CYP39A1: variants seen among roughly 807,000 people sequenced by gnomAD.
CYP39A1 encodes cytochrome P450 family 39 subfamily A member 1, also known as 24-hydroxycholesterol 7-alpha-hydroxylase.
CYP39A1 carries 49 observed loss-of-function variants against 58.1 expected under a neutral mutation model. The observed-to-expected ratio is 0.84, with a 90% CI of 0.67 to 1.07. CYP39A1 has a LOEUF of 1.07. Among genes scored for constraint, CYP39A1 ranks in the 50% least tolerant of loss-of-function variants. CYP39A1 has a pLI of 0.00. For missense variants in CYP39A1, 531 were observed against 539.4 expected, an observed-to-expected ratio of 0.98 and a Z score of 0.16; for synonymous variants, 209 against 187.6, an observed-to-expected ratio of 1.11 and a Z score of -0.93.
chr6:46,614,356 A>G (rs1176022600), intron 7 of CYP39A1, among the ~76,000 whole-genome samples: 1 of 152,184 alleles, frequency 6.6e-6, no homozygotes, highest in Non-Finnish European at 1.5e-5. Context: ...GAGGACATAC[A>G]AAGAGGAGAG....
chr6:46,571,761 G>T (rs1368342992), intron 10 of CYP39A1, among the ~76,000 whole-genome samples: 1 of 151,348 alleles, frequency 6.6e-6, no homozygotes, highest in Non-Finnish European at 1.5e-5. Context: ...ACTCACTATT[G>T]CCATTTTGTA....
intron 6 of CYP39A1, among the ~76,000 whole-genome samples, chr6:46,626,892 T>A (rs1476488096): frequency 6.6e-6 from 1 of 152,100 alleles, no homozygotes; most frequent in East Asian, 1.9e-4. Context: ...GGGAAAAAAA[T>A]AGTGATAAGA....
At chr6:46,580,640 CT>C (rs1296759501) in intron 10 of CYP39A1, among the ~76,000 whole-genome samples, 3 of 151,960 alleles carry the variant, frequency 2.0e-5, no homozygotes, top group Non-Finnish European at 2.9e-5. Flanking sequence ...CTGTAAGGAA[CT>C]TAAATCAGCA....
chr6:46,618,569 C>T (rs546302832), intron 7 of CYP39A1, among the ~76,000 whole-genome samples: 7 of 152,044 alleles, frequency 4.6e-5, no homozygotes, highest in Non-Finnish European at 7.4e-5. Flanking sequence ...AAATGCTTTA[C>T]AGAGATCAAA....
intron 7 of CYP39A1, among the ~76,000 whole-genome samples, chr6:46,596,747 G>T (rs912846284): frequency 2.6e-5 from 4 of 151,994 alleles, no homozygotes; most frequent in African/African-American, 9.7e-5. Flanking sequence ...AGGAGGGGGT[G>T]GGGTGGACGA....
chr6:46,584,449 T>A (rs192056273), intron 10 of CYP39A1, among the ~76,000 whole-genome samples: 294 of 152,168 alleles, frequency 1.9e-3, no homozygotes, highest in Non-Finnish European at 3.1e-3. Flanking sequence ...CTCAAAGCCT[T>A]CCTCTCACCT....
At chr6:46,588,564 A>T (rs1352835127) in intron 8 of CYP39A1, among the ~76,000 whole-genome samples, 3 of 152,110 alleles carry the variant, frequency 2.0e-5, no homozygotes, top group African/African-American at 7.2e-5. Flanking sequence ...GAAACAGAAA[A>T]ATTGGACTCT....
At chr6:46,643,074 CT>C (rs1184184411) in intron 1 of CYP39A1, among the ~76,000 whole-genome samples, 1 of 152,154 alleles carries the variant, frequency 6.6e-6, no homozygotes, top group African/African-American at 2.4e-5. Flanking sequence ...TAATTTTCCC[CT>C]CTTTATCAGA....
intron 7 of CYP39A1, among the ~76,000 whole-genome samples, chr6:46,605,520 G>A (rs1404120233): frequency 6.6e-6 from 1 of 152,144 alleles, no homozygotes; most frequent in Non-Finnish European, 1.5e-5. Flanking sequence ...ATAAAGAGCT[G>A]GAGGATGTCC....
At chr6:46,568,260 T>G (rs1212489147) in intron 10 of CYP39A1, among the ~76,000 whole-genome samples, 1 of 152,108 alleles carries the variant, frequency 6.6e-6, no homozygotes, top group Non-Finnish European at 1.5e-5. Context: ...GTTATTTTGT[T>G]GTTGAGTTTT....
At position 46,639,368 on chromosome 6, in the gene CYP39A1, T is replaced by C. The variant is rs562315480; in HGVS notation, c.488+126A>G. ...AATAATTTAAAAGATTAAAATAATC[T>C]CTTAATAGCCTAGTTAGGTAGATTT... On this transcript the variant is annotated intron_variant, in intron 3 of 11. Coordinates refer to ENST00000275016, the MANE Select transcript of CYP39A1 (RefSeq NM_016593.5). The C allele has an allele frequency of 1.3e-3, 1,089 of 863,326 alleles. 15 individuals carry two copies. In the South Asian group the frequency reaches 0.018, roughly 15 times the overall value. 53.5% of individuals were successfully genotyped at this position (863,326 alleles called of 1,614,324 possible).
intron 10 of CYP39A1, among the ~76,000 whole-genome samples, chr6:46,555,431 A>G (rs1770625731): frequency 1.3e-5 from 2 of 152,238 alleles, no homozygotes; most frequent in Admixed American, 6.5e-5. Context: ...GCCTTAGCAC[A>G]GTGCACAGCA....
At chr6:46,617,149 C>T (rs187814527) in intron 7 of CYP39A1, among the ~76,000 whole-genome samples, 1 of 152,178 alleles carries the variant, frequency 6.6e-6, no homozygotes, top group Non-Finnish European at 1.5e-5. Context: ...ATTGTCTTGG[C>T]AGACACATCA....
At chr6:46,578,493 A>T (rs1771960377) in intron 10 of CYP39A1, among the ~76,000 whole-genome samples, 1 of 151,894 alleles carries the variant, frequency 6.6e-6, no homozygotes, top group Non-Finnish European at 1.5e-5. Flanking sequence ...GAAAACCAAA[A>T]CTTTGTTTTT....
intron 7 of CYP39A1, among the ~76,000 whole-genome samples, chr6:46,597,672 G>T (rs1272231756): frequency 6.6e-6 from 1 of 152,040 alleles, no homozygotes; most frequent in African/African-American, 2.4e-5. Flanking sequence ...ATGGCAATGG[G>T]TCCAGTTTGC....
chr6:46,648,911 C>G (rs1420780414), intron 1 of CYP39A1, among the ~76,000 whole-genome samples: 2 of 152,092 alleles, frequency 1.3e-5, no homozygotes, highest in Non-Finnish European at 2.9e-5. Flanking sequence ...ATAACTCTCT[C>G]AGAGTGCCAG....
Position 46,557,482 on chromosome 6 carries a change from A to G in CYP39A1, c.1251-3628T>C, listed in dbSNP as rs567024209. Among the ~76,000 whole-genome samples the G allele has an allele frequency of 5.8e-4, 88 of 152,052 alleles. 1 individual carries two copies. The South Asian group carries it at 0.017, about 30-fold the overall frequency. On this transcript the variant is annotated intron_variant, in intron 10 of 11. Transcript: ENST00000275016. ...ATAGCCAAACCTCGTCTCTAATAAA[A>G]ATACAAAAATATTAGCTGGGCACGG...
At chr6:46,610,472 G>A (rs1244150016) in intron 7 of CYP39A1, among the ~76,000 whole-genome samples, 1 of 151,988 alleles carries the variant, frequency 6.6e-6, no homozygotes, top group African/African-American at 2.4e-5. Context: ...ATCCCAAGTA[G>A]CTGGGACTAC....
At chr6:46,640,905 A>C (rs1222630043) in intron 2 of CYP39A1, among the ~76,000 whole-genome samples, 1 of 151,928 alleles carries the variant, frequency 6.6e-6, no homozygotes. Context: ...TAAGTTAATG[A>C]AAAACAGTTT....
Sources: gnomAD v4.1 joint callset for allele counts (sites outside exome capture counted in the v4.1 genomes callset) on GRCh38, gnomAD v4.1.1 for gene constraint, MANE v1.5 for transcripts, NCBI Gene and HGNC (gene_info 2026-07-23, HGNC 2026-07-21) for gene names.